Variants in ADGRB3 observed in about 807,000 individuals in gnomAD.
ADGRB3 encodes adhesion G protein-coupled receptor B3.
In ADGRB3, 37 loss-of-function variants were observed where a neutral mutation model predicts 193.4. The ratio of observed to expected loss-of-function variants is 0.19; its 90% CI spans 0.15 to 0.25. The LOEUF (loss-of-function observed/expected upper bound fraction) is 0.25. Ranked by LOEUF, ADGRB3 falls within the 10% of genes least tolerant of loss-of-function variation. ADGRB3 has a pLI of 1.00. For missense variants in ADGRB3, 1,637 were observed against 1,852.9 expected (o/e 0.88, Z 2.14); for synonymous variants, 690 against 644.2 (o/e 1.07, Z -1.08).
chr6:69,074,193 A>G (rs770598976), intron 16 of ADGRB3, among the ~76,000 whole-genome samples: 1 of 152,112 alleles, frequency 6.6e-6, no homozygotes, highest in Non-Finnish European at 1.5e-5. Flanking sequence ...GTGGCCTTTC[A>G]GGGAATTTTT....
chr6:69,371,171 C>T (rs1769698657), intron 29 of ADGRB3, among the ~76,000 whole-genome samples: 1 of 152,098 alleles, frequency 6.6e-6, no homozygotes, highest in South Asian at 2.1e-4. Context: ...GAATTTTTCA[C>T]TTAAAACATG....
chr6:68,883,577 G>A (rs1177886126), intron 3 of ADGRB3, among the ~76,000 whole-genome samples: 3 of 151,960 alleles, frequency 2.0e-5, no homozygotes, highest in African/African-American at 7.3e-5. Flanking sequence ...CGAACTCACT[G>A]GGAGGAGTGA....
At chr6:68,997,951 A>G (rs1004645013) in intron 11 of ADGRB3, among the ~76,000 whole-genome samples, 5 of 152,142 alleles carry the variant, frequency 3.3e-5, no homozygotes, top group African/African-American at 7.2e-5. Flanking sequence ...TCAGAATGTG[A>G]GAGATTTATG....
intron 19 of ADGRB3, among the ~76,000 whole-genome samples, chr6:69,235,816 A>G (rs1333470755): frequency 6.6e-6 from 1 of 152,034 alleles, no homozygotes; most frequent in Non-Finnish European, 1.5e-5. Context: ...TTGTGTTACT[A>G]AGAATTAGAC....
intron 11 of ADGRB3, among the ~76,000 whole-genome samples, chr6:69,005,221 C>T (rs923388651): frequency 1.3e-5 from 2 of 151,592 alleles, no homozygotes; most frequent in African/African-American, 4.8e-5. Flanking sequence ...GTAGGCAATA[C>T]TGAGCTCATG....
chr6:68,745,386 A>C (rs1489745049), intron 3 of ADGRB3, among the ~76,000 whole-genome samples: 2 of 152,300 alleles, frequency 1.3e-5, no homozygotes, highest in Admixed American at 1.3e-4. Context: ...AGGTATCCAA[A>C]GTAGTCAAAT....
At chr6:69,043,129 A>G (rs1771118906) in intron 13 of ADGRB3, among the ~76,000 whole-genome samples, 1 of 152,100 alleles carries the variant, frequency 6.6e-6, no homozygotes, top group Admixed American at 6.6e-5. Flanking sequence ...TATTGAGGCA[A>G]GATATTTTTT....
intron 17 of ADGRB3, among the ~76,000 whole-genome samples, chr6:69,206,164 T>C (rs1383053706): frequency 3.3e-5 from 5 of 149,492 alleles, no homozygotes; most frequent in African/African-American, 1.2e-4. Context: ...CCACTTTGAG[T>C]TCCAAAATTG....
At chr6:68,745,554 G>C (rs926224515) in intron 3 of ADGRB3, among the ~76,000 whole-genome samples, 1 of 151,850 alleles carries the variant, frequency 6.6e-6, no homozygotes, top group East Asian at 1.9e-4. Flanking sequence ...AATTAGTAAA[G>C]TTTGTTATGT....
intron 10 of ADGRB3, among the ~76,000 whole-genome samples, chr6:68,980,692 G>A (rs1317339267): frequency 6.6e-6 from 1 of 151,540 alleles, no homozygotes; most frequent in African/African-American, 2.4e-5. Flanking sequence ...AAATGCCGAG[G>A]TTCAGCTGGT....
chr6:69,276,640 A>C (rs974773951), intron 20 of ADGRB3, among the ~76,000 whole-genome samples: 4 of 152,106 alleles, frequency 2.6e-5, no homozygotes, highest in Non-Finnish European at 5.9e-5. Flanking sequence ...GGTCTTCATC[A>C]GCCACCAGTG....
At chr6:69,174,042 T>A (rs1775359167) in intron 17 of ADGRB3, among the ~76,000 whole-genome samples, 1 of 146,080 alleles carries the variant, frequency 6.8e-6, no homozygotes, top group South Asian at 2.3e-4. Context: ...AAACCCTCAT[T>A]GTTTTAAAGG....
At chr6:68,705,194 A>G (rs1765304429) in intron 3 of ADGRB3, among the ~76,000 whole-genome samples, 1 of 152,254 alleles carries the variant, frequency 6.6e-6, no homozygotes, top group Non-Finnish European at 1.5e-5. Context: ...GCTATGTCAT[A>G]TTTTCAAATA....
At chr6:68,733,196 A>C (rs549264154) in intron 3 of ADGRB3, among the ~76,000 whole-genome samples, 1 of 150,416 alleles carries the variant, frequency 6.6e-6, no homozygotes. Context: ...GCCTAAGTGC[A>C]TATCAGTGGT....
chr6:69,139,967 T>G (rs1271611539), intron 17 of ADGRB3, among the ~76,000 whole-genome samples: 1 of 152,248 alleles, frequency 6.6e-6, no homozygotes, highest in African/African-American at 2.4e-5. Context: ...GATAGTCTAA[T>G]TGCTGAACAG....
intron 3 of ADGRB3, among the ~76,000 whole-genome samples, chr6:68,783,464 C>T (rs1471173937): frequency 6.6e-6 from 1 of 151,490 alleles, no homozygotes; most frequent in African/African-American, 2.4e-5. Flanking sequence ...GACAACACTA[C>T]CCTCAAGTTG....
At chr6:69,090,661 C>T (rs893631739) in intron 17 of ADGRB3, among the ~76,000 whole-genome samples, 5 of 152,178 alleles carry the variant, frequency 3.3e-5, no homozygotes, top group Non-Finnish European at 7.3e-5. Flanking sequence ...AGATATGCGG[C>T]CACAAAGTCA....
At chr6:68,906,432 T>G (rs867522692) in intron 3 of ADGRB3, among the ~76,000 whole-genome samples, 66 of 152,054 alleles carry the variant, frequency 4.3e-4, no homozygotes, top group African/African-American at 1.5e-3. Flanking sequence ...ATTGGAGATT[T>G]TTCAATATAT....
Position 68,666,854 on chromosome 6 carries a change from A to G in ADGRB3, c.757+27422A>G, listed in dbSNP as rs190935984. Among the ~76,000 whole-genome samples, 16 of 151,876 alleles carry G rather than the reference A, an allele frequency of 1.1e-4. No individual in the cohort carries two copies. In the East Asian group the frequency reaches 2.7e-3, roughly 26 times the overall value. The stretch of plus-strand genomic sequence containing the variant: ...GAAATACATGGAATTTTAGTGGCCA[A>G]TGATTGAGATAATGGGATAATTTAA... On this transcript the variant is annotated intron_variant, in intron 3 of 31. Coordinates refer to ENST00000370598, the MANE Select transcript of ADGRB3 (RefSeq NM_001704.3).
Sources: allele counts gnomAD v4.1 joint callset (sites outside exome capture counted in the v4.1 genomes callset), GRCh38; gene constraint gnomAD v4.1.1; transcripts MANE v1.5; gene names NCBI Gene and HGNC (gene_info 2026-07-23, HGNC 2026-07-21).